SH3TC2: variants seen among roughly 807,000 people sequenced by gnomAD.
SH3TC2 encodes the protein SH3 domain and tetratricopeptide repeat-containing protein 2.
SH3TC2 carries 87 observed loss-of-function variants against 124.5 expected under a neutral mutation model. That is an observed-to-expected ratio of 0.70 (90% confidence interval 0.59 to 0.84). The LOEUF is 0.84. Ranked by LOEUF, SH3TC2 falls within the 40% of genes least tolerant of loss-of-function variation. SH3TC2 has a pLI of 0.00. For synonymous variants in SH3TC2, 634 were observed against 628.5 expected, an observed-to-expected ratio of 1.01 and a Z score of -0.13; for missense variants, 1,536 against 1,566.4, an observed-to-expected ratio of 0.98 and a Z score of 0.33.
At chr5:149,036,429 T>G (rs1464097919) in intron 8 of SH3TC2, among the ~76,000 whole-genome samples, 2 of 152,158 alleles carry the variant, frequency 1.3e-5, no homozygotes, top group Non-Finnish European at 2.9e-5. Flanking sequence ...CCTCTCTGCG[T>G]TCTCTCTTCC....
intron 12 of SH3TC2, among the ~76,000 whole-genome samples, chr5:149,020,607 A>C (rs1351128055): frequency 2.7e-4 from 41 of 152,340 alleles, no homozygotes; most frequent in Non-Finnish European, 5.9e-5. Context: ...ATTCAAAGAC[A>C]CAAATAGACT....
chr5:148,987,809 CTGTGTGTGTGTGTGTGTGTG>C lies in SH3TC2; in HGVS notation c.*16882_*16901del, dbSNP rs71957589. The stretch of plus-strand genomic sequence containing the variant: ...CCTCACTCGAGGCCTCATTCAAAAT[CTGTGTGTGTGTGTGTGTGTG>C]TGTGTGTGTGTGTGTGTGTGTGTGT... On this transcript the variant is annotated 3_prime_UTR_variant, in exon 17 of 17. Transcript: ENST00000515425. Among the ~76,000 whole-genome samples, 7 of 135,320 alleles carry C rather than the reference CTGTGTGTGTGTGTGTGTGTG, an allele frequency of 5.2e-5. No individual in the cohort carries two copies. Among genetic ancestry groups the C allele is most frequent in the Non-Finnish European group, 1.1e-4 (7 of 63,300 alleles). 88.8% of individuals were successfully genotyped at this position (135,320 alleles called of 152,430 possible). A position where few individuals can be genotyped will look rare whatever the true frequency, so the allele number is the denominator to read the frequency against.
chr5:149,034,293 C>T (rs1044405802), intron 8 of SH3TC2: 1 of 163,966 alleles, frequency 6.1e-6, no homozygotes, highest in Admixed American at 6.4e-5. Flanking sequence ...AAGATTATGT[C>T]AAGAAAATCA....
rs1259977744 is a variant in SH3TC2 at position 148,985,609 on chromosome 5, A to T, written c.*19102T>A. 6.6e-6 allele frequency among the ~76,000 whole-genome samples: 1 copy of T among 152,180 alleles called. No homozygotes were observed. Among genetic ancestry groups the T allele is most frequent in the Non-Finnish European group, 1.5e-5 (1 of 68,022 alleles). ...ACCATAGTTTGTTTATCCATTTCCCAGTTTGAAGACATTGGGTTGTTCCAA... is the reference window on the plus strand; with the variant it reads ...ACCATAGTTTGTTTATCCATTTCCCTGTTTGAAGACATTGGGTTGTTCCAA... On this transcript the variant is annotated 3_prime_UTR_variant, in exon 17 of 17. Transcript: ENST00000515425.
chr5:149,017,142 C>A (rs1479023914), intron 12 of SH3TC2, among the ~76,000 whole-genome samples: 1 of 152,114 alleles, frequency 6.6e-6, no homozygotes, highest in Non-Finnish European at 1.5e-5. Flanking sequence ...CTGTACTATT[C>A]TGTTATCATT....
chr5:149,061,250 T>C (rs1754742058), intron 1 of SH3TC2, among the ~76,000 whole-genome samples: 1 of 152,212 alleles, frequency 6.6e-6, no homozygotes, highest in South Asian at 2.1e-4. Context: ...TTTGTTTGTT[T>C]TCAGCTGCGT....
intron 1 of SH3TC2, among the ~76,000 whole-genome samples, chr5:149,060,124 G>A (rs898537653): frequency 6.6e-6 from 1 of 152,214 alleles, no homozygotes; most frequent in African/African-American, 2.4e-5. Context: ...GTGATCAACA[G>A]AGGCGAATGT....
rs1040352867 is a variant in SH3TC2 at position 148,997,221 on chromosome 5, C to T, written c.*7490G>A. Among the ~76,000 whole-genome samples the T allele has an allele frequency of 1.3e-5, 2 of 152,242 alleles. No individual in the cohort carries two copies. The highest frequency in any genetic ancestry group is 1.9e-4 in the East Asian group (1 of 5,200). On this transcript the variant is annotated 3_prime_UTR_variant, in exon 17 of 17. Transcript: ENST00000515425. ...ATGGGTGAGACCCACGAAACTCCAC[C>T]TGGCTGCTTCCCTTCCTCAGATGTC...
At chr5:149,035,615 T>G (rs1835939) in intron 8 of SH3TC2, 4,434 of 152,526 alleles carry the variant, frequency 0.029, 294 homozygotes, top group Admixed American at 0.16. Context: ...TTGGGGGATA[T>G]GCAAGGAGCC....
At position 148,989,891 on chromosome 5, in the gene SH3TC2, A is replaced by G. The variant is rs1297374731; in HGVS notation, c.*14820T>C. Among the ~76,000 whole-genome samples the G allele has an allele frequency of 6.6e-6, 1 of 152,148 alleles. No homozygotes were observed. The highest frequency in any genetic ancestry group is 1.5e-5 in the Non-Finnish European group (1 of 68,038). On this transcript the variant is annotated 3_prime_UTR_variant, in exon 17 of 17. Transcript: ENST00000515425. ...ATGAATCAATCCACCTGCACTGGGG[A>G]AAAATGAGATACATAACAGAAAAGA...
Position 149,027,776 on chromosome 5 carries a change from G to A in SH3TC2, c.1956C>T (p.Val652=), listed in dbSNP as rs1754098414. The change falls in exon 11 of 17, where the codon GTC becomes GTT. Residue 652 remains valine, a synonymous_variant. Transcript: ENST00000515425. The stretch of plus-strand genomic sequence containing the variant: ...GCTGCAGGCGCTCGGCAAAGGGCAG[G>A]ACCTCCTCGTGCCGGCCTAGGCTCA... ...LLLSLGRHEE[V]LPFAERLQLL... 1.2e-6 allele frequency: 2 copies of A among 1,613,874 alleles called. No homozygotes were observed. The highest frequency in any genetic ancestry group is 1.7e-6 in the Non-Finnish European group (2 of 1,180,006).
intron 3 of SH3TC2, 41 bp from the exon 4 acceptor site, chr5:149,044,679 G>A (rs1348802685): frequency 6.7e-7 from 1 of 1,493,630 alleles, no homozygotes; most frequent in Non-Finnish European, 9.3e-7. Context: ...GATGACAGAA[G>A]TGTCCCATTA....
At chr5:149,047,456 A>C (rs1299269731) in intron 3 of SH3TC2, 7 of 256,632 alleles carry the variant, frequency 2.7e-5, no homozygotes, top group African/African-American at 1.3e-4. Context: ...TACACTTAAA[A>C]AATGATTAAA....
Position 149,021,884 on chromosome 5 carries a change from CTTTTTTTTTTTTTTTTTTTTTTTTTTT to C in SH3TC2, c.3053+4661_3053+4687del, listed in dbSNP as rs869151294. On this transcript the variant is annotated intron_variant, in intron 12 of 16. Transcript: ENST00000515425. ...AACACCAATCCTTCACAAACTCTTT[CTTTTTTTTTTTTTTTTTTTTTTTTTTT>C]TTTTTTTTTTTTTTTTTTTTGAGAC... 1.2e-3 allele frequency among the ~76,000 whole-genome samples: 38 copies of C among 32,864 alleles called. 3 individuals carry two copies. The highest frequency in any genetic ancestry group is 4.3e-3 in the Admixed American group (12 of 2,768). 21.6% of individuals were successfully genotyped at this position (32,864 alleles called of 152,430 possible).
chr5:149,043,244 G>A (rs1008945957), intron 4 of SH3TC2, among the ~76,000 whole-genome samples: 2 of 152,138 alleles, frequency 1.3e-5, no homozygotes, highest in African/African-American at 2.4e-5. Flanking sequence ...TGATGATGCA[G>A]TGGCTGAGGA....
In SH3TC2 at chr5:149,008,992, C is replaced by T. The variant is rs1439078415; in HGVS notation, c.3337G>A (p.Val1113Ile). ...GCCTTCAACCTCCTTGCTAAAGGAA[C>T]AGCTCCAGCCTAGGAACAGAAGCCC... Reference protein sequence around the residue: ...HAVEYYRAGAVPLARRLKAVR... With the variant: ...HAVEYYRAGAIPLARRLKAVR... Residue 1113 changes from valine to isoleucine, a missense_variant, in exon 15 of 17, where the codon GTT becomes ATT. Physicochemically the swap from Val to Ile is conservative, Grantham distance 29. This residue lies in a region of SH3TC2 where 426 missense variants were observed against 443.5 expected (regional missense o/e 0.96). Coordinates refer to ENST00000515425, the MANE Select transcript of SH3TC2 (RefSeq NM_024577.4). The T allele has an allele frequency of 1.9e-6, 3 of 1,614,184 alleles. No homozygotes were observed. In the South Asian group the frequency reaches 3.3e-5, roughly 18 times the overall value.
rs1438516263 is a variant in SH3TC2, at chr5:148,989,157, T to C, written c.*15554A>G. Among the ~76,000 whole-genome samples the C allele has an allele frequency of 6.6e-6, 1 of 152,218 alleles. No individual in the cohort carries two copies. The highest frequency in any genetic ancestry group is 1.5e-5 in the Non-Finnish European group (1 of 68,040). On this transcript the variant is annotated 3_prime_UTR_variant, in exon 17 of 17. Transcript: ENST00000515425. ...CTTTTGGAGTCATTGAATTCCCTTT[T>C]TGAGTCTTTTTTCCAAGATTACAGG...
intron 1 of SH3TC2, among the ~76,000 whole-genome samples, chr5:149,056,839 G>A (rs552558035): frequency 1.3e-5 from 2 of 152,196 alleles, no homozygotes; most frequent in South Asian, 4.2e-4. Context: ...AACTTGAGCT[G>A]GGCCTTGGAA....
rs1216154997 is a variant in SH3TC2 at position 149,004,580 on chromosome 5, ATTC to A, written c.*128_*130del. 29 of 951,898 alleles carry A rather than the reference ATTC, an allele frequency of 3.0e-5. No homozygotes were observed. In the East Asian group the frequency reaches 5.0e-4, roughly 16 times the overall value. The allele number at this position is 951,898 out of a possible 1,614,324, so 59.0% of individuals were successfully genotyped here. On this transcript the variant is annotated 3_prime_UTR_variant, in exon 17 of 17. Coordinates refer to ENST00000515425, the MANE Select transcript of SH3TC2 (RefSeq NM_024577.4). ...ATGAGCCCTTCTCCTCCTGGACTTC[ATTC>A]TTCTTCTTGTGAAATGAGGGGGCTA...
Sources: gnomAD v4.1 joint callset for allele counts (sites outside exome capture counted in the v4.1 genomes callset) on GRCh38, gnomAD v4.1.1 for gene constraint, gnomAD v4.1.1 regional missense constraint, MANE v1.5 for transcripts, NCBI Gene and HGNC (gene_info 2026-07-23, HGNC 2026-07-21) for gene names.